FBL: variants seen among roughly 807,000 people sequenced by gnomAD.
The protein encoded by FBL is fibrillarin rRNA 2'-O-methyltransferase, also known as rRNA 2'-O-methyltransferase fibrillarin.
Under a neutral mutation model 42.2 loss-of-function variants are expected in FBL, and 10 were observed. That is an observed-to-expected ratio of 0.24 (90% confidence interval 0.15 to 0.40). The LOEUF is 0.40. Ranked by LOEUF, FBL falls within the 10% of genes least tolerant of loss-of-function variation. FBL has a pLI of 1.00. For missense variants in FBL, 351 were observed against 439.2 expected (o/e 0.80, Z 1.79); for synonymous variants, 165 against 165.4 (o/e 1.00, Z 0.02).
At position 39,840,605 on chromosome 19, in the gene FBL, A is replaced by G. The variant is rs749910467; in HGVS notation, c.181+12T>C. The G allele has an allele frequency of 1.2e-6, 2 of 1,613,188 alleles. No homozygotes were observed. The highest frequency in any genetic ancestry group is 1.3e-5 in the African/African-American group (1 of 74,872). On this transcript the variant is annotated intron_variant, in intron 2 of 8. Coordinates refer to ENST00000221801, the MANE Select transcript of FBL (RefSeq NM_001436.4). The surrounding 1 kb of genome is among the most constrained non-coding windows in gnomAD (Gnocchi z 4.5). ...CAGGAAGGCCTCCTCTGTAACCCCT[A>G]GCCAATCTTACCACCTCTTCCTCCT...
intron 1 of FBL, among the ~76,000 whole-genome samples, chr19:39,845,342 A>T (rs770464918): frequency 6.6e-6 from 1 of 152,204 alleles, no homozygotes; most frequent in South Asian, 2.1e-4. Context: ...TAATACTATT[A>T]TATGTCAAGC....
chr19:39,841,504 T>C (rs1969164037), intron 1 of FBL, among the ~76,000 whole-genome samples: 1 of 152,200 alleles, frequency 6.6e-6, no homozygotes, highest in East Asian at 1.9e-4. Flanking sequence ...CTGGTTTCCT[T>C]GGTTGCATAG....
intron 8 of FBL, 40 bp downstream of exon 8, chr19:39,834,628 A>G: frequency 6.2e-7 from 1 of 1,612,744 alleles, no homozygotes; most frequent in East Asian, 2.2e-5. Flanking sequence ...TGCAAGGGAC[A>G]GAGATGTCTG....
intron 1 of FBL, among the ~76,000 whole-genome samples, chr19:39,841,035 C>T (rs1306671769): frequency 1.3e-5 from 2 of 152,178 alleles, no homozygotes; most frequent in Non-Finnish European, 1.5e-5. Context: ...TTATACACAA[C>T]AGACTAATAA....
In FBL at chr19:39,841,807, C is replaced by T. The variant is rs551393091; in HGVS notation, c.11-1020G>A. Among the ~76,000 whole-genome samples the T allele has an allele frequency of 1.9e-3, 295 of 152,342 alleles. 2 individuals carry two copies. The highest frequency in any genetic ancestry group is 6.7e-3 in the African/African-American group (280 of 41,566). ...CAAACTGTCATTTAAGGATAGGCTG[C>T]ACTTTACAAGTAGTTTGCGACTTGT... On this transcript the variant is annotated intron_variant, in intron 1 of 8. Coordinates refer to ENST00000221801, the MANE Select transcript of FBL (RefSeq NM_001436.4).
intron 1 of FBL, 55 bp downstream of exon 1, chr19:39,846,236 C>T: frequency 6.2e-7 from 1 of 1,610,188 alleles, no homozygotes; most frequent in Non-Finnish European, 8.5e-7. Flanking sequence ...TGGCCTGGCA[C>T]CCGGATTCCC....
At chr19:39,842,784 T>G (rs930072400) in intron 1 of FBL, among the ~76,000 whole-genome samples, 1 of 152,102 alleles carries the variant, frequency 6.6e-6, no homozygotes, top group Non-Finnish European at 1.5e-5. Flanking sequence ...GCGCAAGGTC[T>G]TCCCCTAAAG....
rs775778274 is a variant in FBL, at chr19:39,836,594, A to G, written c.757T>C (p.Phe253Leu). ...ACAAAGTGTCCTCCATTACGCAGGA[A>G]GGTGTGGGCATTCAGGGCCACAATC... ...TRIVALNAHT[F>L]LRNGGHFVIS... Residue 253 changes from phenylalanine (F) to leucine (L), a missense_variant, in exon 7 of 9, where the codon TTC becomes CTC. By Grantham distance (22) the Phe-to-Leu change is conservative (BLOSUM62 0). Coordinates refer to ENST00000221801, the MANE Select transcript of FBL (RefSeq NM_001436.4). 6.2e-7 allele frequency: 1 copy of G among 1,614,106 alleles called. No homozygotes were observed. The highest frequency in any genetic ancestry group is 8.5e-7 in the Non-Finnish European group (1 of 1,179,938).
At chr19:39,838,952 C>G in intron 5 of FBL, 83 bp downstream of exon 5, 3 of 1,288,642 alleles carry the variant, frequency 2.3e-6, no homozygotes, top group Non-Finnish European at 3.3e-6. Context: ...ACAGCGCAGG[C>G]AAGCAGTCAA....
chr19:39,837,630 C>A, intron 6 of FBL, 81 bp downstream of exon 6: 1 of 1,310,848 alleles, frequency 7.6e-7, no homozygotes, highest in Non-Finnish European at 1.0e-6. Context: ...CAACTCCATC[C>A]GAATCAGAGA....
At chr19:39,839,277 G>GCCCAGTT in intron 4 of FBL, 72 bp from the exon 5 acceptor site, 47 of 1,295,188 alleles carry the variant, frequency 3.6e-5, no homozygotes, top group African/African-American at 3.3e-4. Flanking sequence ...AACCCTAGGA[G>GCCCAGTT]CCTTGAAAGG....
In FBL at chr19:39,845,008, T is replaced by C. The variant is rs373979396; in HGVS notation, c.10+1283A>G. 6.6e-5 allele frequency among the ~76,000 whole-genome samples: 10 copies of C among 152,284 alleles called. No homozygotes were observed. The East Asian group carries it at 1.5e-3, about 24-fold the overall frequency. ...AGGCAAGCCAGGATCTCAGCATACC[T>C]GGCCTACAATCCCCCACCCCACTTC... On this transcript the variant is annotated intron_variant, in intron 1 of 8. Coordinates refer to ENST00000221801, the MANE Select transcript of FBL (RefSeq NM_001436.4).
In FBL at chr19:39,840,736, C is replaced by A; in HGVS notation, c.62G>T (p.Arg21Leu). ...GFGGRGGFGD[R>L]GGRGGRGGFG... is the part of the protein sequence containing the mutation. ...GCCCCCTCGGCCTCCACGACCACCA[C>A]GGTCACCAAAGCCCCCTCGGCCGCC... Residue 21 changes from arginine (R) to leucine (L), a missense_variant, in exon 2 of 9, where the codon CGT becomes CTT. Arg to Leu is a moderately radical substitution (Grantham distance 102). Transcript: ENST00000221801. The surrounding 1 kb of genome is among the most constrained non-coding windows in gnomAD (Gnocchi z 4.5). The A allele has an allele frequency of 6.3e-7, 1 of 1,576,328 alleles. No individual in the cohort carries two copies. Among genetic ancestry groups the A allele is most frequent in the Non-Finnish European group, 8.6e-7 (1 of 1,161,156 alleles).
chr19:39,834,623 G>A (rs773902612), intron 8 of FBL, 45 bp downstream of exon 8: 2 of 1,613,810 alleles, frequency 1.2e-6, no homozygotes, highest in African/African-American at 1.3e-5. Flanking sequence ...CGGGGTGCAA[G>A]GGACAGAGAT....
chr19:39,838,044 G>T (rs1271656858), intron 5 of FBL: 4 of 522,258 alleles, frequency 7.7e-6, no homozygotes, highest in Non-Finnish European at 1.3e-5. Context: ...GAGTTATTCA[G>T]CAAGTAGCAA....
chr19:39,840,573 C>T lies in FBL; in HGVS notation c.181+44G>A, dbSNP rs1319827913. 1 of 1,612,976 alleles carries T rather than the reference C, an allele frequency of 6.2e-7. No individual in the cohort carries two copies. The highest frequency in any genetic ancestry group is 2.2e-5 in the East Asian group (1 of 44,866). ...TCCTGAATCTCCGCCCTCCCCACTC[C>T]CCACCTCAGGAAGGCCTCCTCTGTA... On this transcript the variant is annotated intron_variant, in intron 2 of 8. Coordinates refer to ENST00000221801, the MANE Select transcript of FBL (RefSeq NM_001436.4). The surrounding 1 kb of genome is among the most constrained non-coding windows in gnomAD (Gnocchi z 4.5).
chr19:39,843,818 G>C (rs1158851022), intron 1 of FBL, among the ~76,000 whole-genome samples: 2 of 152,134 alleles, frequency 1.3e-5, no homozygotes, highest in African/African-American at 4.8e-5. Flanking sequence ...GGGTTGTAAA[G>C]ATTAAATGAC....
chr19:39,844,865 C>CT (rs1311898177), intron 1 of FBL, among the ~76,000 whole-genome samples: 1 of 152,190 alleles, frequency 6.6e-6, no homozygotes, highest in Non-Finnish European at 1.5e-5. Context: ...GGCTAAAATC[C>CT]TTACTAAAGA....
chr19:39,839,031 T>G lies in FBL; in HGVS notation c.549+4A>C. The G allele has an allele frequency of 6.2e-7, 1 of 1,607,352 alleles. No homozygotes were observed. The highest frequency in any genetic ancestry group is 1.1e-5 in the South Asian group (1 of 90,136). ...CCTGCCTGACTCTCCATCTACTCAC[T>G]CACCGGACCAACGATGTCAGAGACA... On this transcript the variant is annotated splice_donor_region_variant and intron_variant, in intron 5 of 8. Transcript: ENST00000221801.
Sources: gnomAD v4.1 joint callset for allele counts (sites outside exome capture counted in the v4.1 genomes callset) on GRCh38, gnomAD v4.1.1 for gene constraint, Gnocchi (gnomAD v3.1) non-coding constraint, MANE v1.5 for transcripts, NCBI Gene and HGNC (gene_info 2026-07-23, HGNC 2026-07-21) for gene names.